The following FBN2 variants were observed in gnomAD, a reference collection of about 807,000 sequenced individuals.
FBN2 encodes the protein fibrillin 2, also known as fibrillin-2.
A neutral mutation model predicts 355.6 loss-of-function variants in FBN2; 105 were observed. The ratio of observed to expected loss-of-function variants is 0.30; its 90% CI spans 0.25 to 0.35. The LOEUF is 0.35. Ranked by LOEUF, FBN2 falls within the 10% of genes least tolerant of loss-of-function variation. The probability of loss-of-function intolerance (pLI) is 1.00; values close to 1 mark genes in which losing one functional copy is unlikely to be tolerated. For missense variants in FBN2, 3,280 were observed against 3,758.7 expected (o/e 0.87, Z 3.33); for synonymous variants, 1,350 against 1,301.2 (o/e 1.04, Z -0.81).
chr5:128,467,746 A>G (rs1317481642), intron 5 of FBN2, among the ~76,000 whole-genome samples: 3 of 152,194 alleles, frequency 2.0e-5, no homozygotes, highest in Non-Finnish European at 4.4e-5. Context: ...ATAAACAGTT[A>G]TGTTACACGT....
intron 11 of FBN2, among the ~76,000 whole-genome samples, chr5:128,380,626 CA>C (rs1190324713): frequency 2.0e-5 from 3 of 152,060 alleles, no homozygotes; most frequent in Non-Finnish European, 4.4e-5. Flanking sequence ...TAATTTTGGT[CA>C]AAACAATCAC....
At chr5:128,474,560 C>CTGAA (rs1013588598) in intron 5 of FBN2, among the ~76,000 whole-genome samples, 18 of 152,254 alleles carry the variant, frequency 1.2e-4, no homozygotes, top group African/African-American at 4.3e-4. Flanking sequence ...GGTCACAAGA[C>CTGAA]TGGATTATGG....
intron 7 of FBN2, among the ~76,000 whole-genome samples, chr5:128,409,423 A>G (rs1753010474): frequency 6.6e-6 from 1 of 152,212 alleles, no homozygotes; most frequent in South Asian, 2.1e-4. Flanking sequence ...TCCATTCAGC[A>G]TACTCAATGC....
At chr5:128,396,860 T>C (rs2126983848) in intron 8 of FBN2, among the ~76,000 whole-genome samples, 1 of 152,318 alleles carries the variant, frequency 6.6e-6, no homozygotes, top group African/African-American at 2.4e-5. Context: ...GATCTGCATA[T>C]CAATAATGAA....
At chr5:128,317,057 C>T (rs955043828) in intron 36 of FBN2, among the ~76,000 whole-genome samples, 1 of 152,256 alleles carries the variant, frequency 6.6e-6, no homozygotes, top group South Asian at 2.1e-4. Context: ...GTGTCTCTAA[C>T]GCCAGCCTTC....
intron 36 of FBN2, 96 bp from the exon 37 acceptor site, chr5:128,312,891 G>C: frequency 7.5e-7 from 1 of 1,339,580 alleles, no homozygotes; most frequent in East Asian, 2.3e-5. Flanking sequence ...TTCAAATTTT[G>C]TACGTTAACA....
intron 1 of FBN2, 144 bp from the exon 2 acceptor site, chr5:128,536,628 G>C (rs553286190): frequency 1.1e-5 from 8 of 715,324 alleles, no homozygotes; most frequent in South Asian, 7.5e-5. Flanking sequence ...TGGAGATCGG[G>C]AGGCAGACGT....
chr5:128,263,847 AC>A (rs1313303104), intron 62 of FBN2, among the ~76,000 whole-genome samples, 191 bp from the exon 63 acceptor site: 2 of 151,770 alleles, frequency 1.3e-5, no homozygotes, highest in Non-Finnish European at 2.9e-5. Flanking sequence ...GCTTTAAAAA[AC>A]CCTTGCTTTG....
chr5:128,276,254 T>C, intron 58 of FBN2, 94 bp from the exon 59 acceptor site: 3 of 1,376,400 alleles, frequency 2.2e-6, no homozygotes, highest in Non-Finnish European at 3.1e-6. Context: ...CTTTTTGTTT[T>C]TCCTGTTCAA....
intron 6 of FBN2, among the ~76,000 whole-genome samples, chr5:128,452,769 T>G (rs1327952706): frequency 6.6e-6 from 1 of 152,178 alleles, no homozygotes; most frequent in Non-Finnish European, 1.5e-5. Context: ...GGTGCGGGTT[T>G]GTTATGTGAA....
At chr5:128,275,503 T>C (rs1375023789) in intron 59 of FBN2, among the ~76,000 whole-genome samples, 2 of 151,920 alleles carry the variant, frequency 1.3e-5, no homozygotes, top group Non-Finnish European at 2.9e-5. Flanking sequence ...ATAATCTACA[T>C]TTTAAAAATT....
At chr5:128,283,585 A>T (rs2126813687) in intron 55 of FBN2, among the ~76,000 whole-genome samples, 1 of 152,292 alleles carries the variant, frequency 6.6e-6, no homozygotes, top group Admixed American at 6.5e-5. Flanking sequence ...GTGTCCTGGG[A>T]AGGAGCCCTG....
At chr5:128,528,001 T>A in intron 3 of FBN2, 34 bp from the exon 4 acceptor site, 1 of 1,398,018 alleles carries the variant, frequency 7.2e-7, no homozygotes, top group Non-Finnish European at 1.0e-6. Flanking sequence ...TATAAAAACA[T>A]CAGTCATCAA....
intron 2 of FBN2, among the ~76,000 whole-genome samples, chr5:128,532,820 T>C (rs952678831): frequency 6.6e-5 from 10 of 152,126 alleles, no homozygotes; most frequent in Admixed American, 3.3e-4. Flanking sequence ...CTTAGGCAAA[T>C]GGATCACTTG....
intron 23 of FBN2, among the ~76,000 whole-genome samples, chr5:128,346,511 TTTA>T (rs1224222353): frequency 6.6e-6 from 1 of 152,248 alleles, no homozygotes; most frequent in Non-Finnish European, 1.5e-5. Context: ...AAAATTAATG[TTTA>T]CTACTTTAGT....
In FBN2 at chr5:128,305,499, C is replaced by T. The variant is rs1002201072; in HGVS notation, c.5674+12G>A. ...TGCTCAGTGCCAAAGAATGAGTCAGCCTCTTTCTTACCTACACAGGCCCCA... is the reference window on the plus strand; with the variant it reads ...TGCTCAGTGCCAAAGAATGAGTCAGTCTCTTTCTTACCTACACAGGCCCCA... On this transcript the variant is annotated intron_variant, in intron 44 of 64. Coordinates refer to ENST00000262464, the MANE Select transcript of FBN2 (RefSeq NM_001999.4). 13 of 1,613,722 alleles carry T rather than the reference C, an allele frequency of 8.1e-6. No homozygotes were observed. The highest frequency in any genetic ancestry group is 2.2e-5 in the South Asian group (2 of 91,072).
At chr5:128,434,394 G>GTATA (rs6149234) in intron 7 of FBN2, among the ~76,000 whole-genome samples, 4,373 of 91,448 alleles carry the variant, frequency 0.048, 304 homozygotes, top group East Asian at 0.18. Context: ...AATAAAGTGT[G>GTATA]TATATATATA....
At position 128,511,865 on chromosome 5, in the gene FBN2, T is replaced by C. The variant is rs73787608; in HGVS notation, c.628+7408A>G. On this transcript the variant is annotated intron_variant, in intron 5 of 64. Coordinates refer to ENST00000262464, the MANE Select transcript of FBN2 (RefSeq NM_001999.4). ...ATGCAAATCTATAGATTACAAGTAC[T>C]TGGCTTAAGTAAACTCTACCTATAT... Among the ~76,000 whole-genome samples the C allele has an allele frequency of 3.1e-3, 479 of 152,298 alleles. 2 individuals are homozygous for C. The highest frequency in any genetic ancestry group is 0.011 in the African/African-American group (465 of 41,568).
At chr5:128,378,447 C>T (rs1752144427) in intron 12 of FBN2, among the ~76,000 whole-genome samples, 1 of 151,980 alleles carries the variant, frequency 6.6e-6, no homozygotes, top group Admixed American at 6.6e-5. Flanking sequence ...GTGTGGGATT[C>T]AAAGAAAACA....
Sources: allele counts gnomAD v4.1 joint callset (sites outside exome capture counted in the v4.1 genomes callset), GRCh38; gene constraint gnomAD v4.1.1; transcripts MANE v1.5; gene names NCBI Gene and HGNC (gene_info 2026-07-23, HGNC 2026-07-21).